The following PTCH1 variants were observed in gnomAD, a reference collection of about 807,000 sequenced individuals.
PTCH1 encodes the protein protein patched homolog 1.
Under a neutral mutation model 144.6 loss-of-function variants are expected in PTCH1, and 14 were observed. The observed-to-expected ratio is 0.10, with a 90% CI of 0.06 to 0.15. The LOEUF (loss-of-function observed/expected upper bound fraction) is 0.15, where lower values mean the gene tolerates loss of function less well. PTCH1 is among the 10% of genes least tolerant of loss of function. The pLI is 1.00. For synonymous variants in PTCH1, 833 were observed against 793.6 expected, an observed-to-expected ratio of 1.05 and a Z score of -0.83; for missense variants, 1,623 against 1,948.3, an observed-to-expected ratio of 0.83 and a Z score of 3.14.
chr9:95,512,123 C>T (rs180920407), upstream of PTCH1, among the ~76,000 whole-genome samples: 22 of 152,354 alleles, frequency 1.4e-4, 1 homozygote, highest in East Asian at 2.1e-3. Flanking sequence ...CCTCTGGTTC[C>T]GGCGGCTGCC....
chr9:95,481,742 A>G, intron 5 of PTCH1: 1 of 594,730 alleles, frequency 1.7e-6, no homozygotes, highest in Non-Finnish European at 3.0e-6. Context: ...AAATTTAATG[A>G]CGCCTACAGA....
rs1308504024 is a variant in PTCH1, at chr9:95,445,049, G to A, written c.*1344C>T. The stretch of plus-strand genomic sequence containing the variant: ...GGAAGCACGTACCCTAAACACTGGT[G>A]CATGAAGAATCCCCCCGGAGCTCTT... On this transcript the variant is annotated 3_prime_UTR_variant, in exon 24 of 24. Transcript: ENST00000331920. 4 of 152,186 alleles carry A rather than the reference G, an allele frequency of 2.6e-5. No homozygotes were observed. Among genetic ancestry groups the A allele is most frequent in the African/African-American group, 9.7e-5 (4 of 41,434 alleles). The allele number at this position is 152,186 out of a possible 1,614,324, so 9.4% of individuals were successfully genotyped here. A position where few individuals can be genotyped will look rare whatever the true frequency, so the allele number is the denominator to read the frequency against.
intron 23 of PTCH1, chr9:95,446,602 G>C: frequency 2.0e-6 from 1 of 498,296 alleles, no homozygotes; most frequent in Non-Finnish European, 3.7e-6. Flanking sequence ...AATTCGCTGT[G>C]GCATGCACCT....
At chr9:95,453,673 T>G in intron 19 of PTCH1, 53 bp from the exon 20 acceptor site, 1 of 1,606,752 alleles carries the variant, frequency 6.2e-7, no homozygotes, top group Non-Finnish European at 8.5e-7. Context: ...ACCTGGTAAA[T>G]GCTCAGCTCT....
intron 20 of PTCH1, chr9:95,451,214 A>G (rs1838432579): frequency 6.6e-6 from 1 of 152,268 alleles, no homozygotes; most frequent in Non-Finnish European, 1.5e-5. Context: ...GGTCTAATGT[A>G]AACTGCTGGA....
intron 3 of PTCH1, chr9:95,484,287 G>A (rs1371723977): frequency 6.6e-6 from 1 of 152,206 alleles, no homozygotes; most frequent in Non-Finnish European, 1.5e-5. Flanking sequence ...AACAGGGCAA[G>A]TTTGCCTGGC....
At chr9:95,495,518 C>T (rs1057337048) in intron 2 of PTCH1, 1 of 151,704 alleles carries the variant, frequency 6.6e-6, no homozygotes, top group African/African-American at 2.4e-5. Context: ...GTATAGCTAC[C>T]CAGAGGAAGA....
chr9:95,510,158 C>T (rs1005909771), upstream of PTCH1, among the ~76,000 whole-genome samples: 2 of 150,902 alleles, frequency 1.3e-5, no homozygotes, highest in Admixed American at 6.6e-5. Context: ...TTTTTTACAA[C>T]TTAGAGAAAC....
chr9:95,453,073 G>A (rs1295742311), intron 20 of PTCH1: 3 of 320,318 alleles, frequency 9.4e-6, no homozygotes, highest in Non-Finnish European at 1.2e-5. Context: ...TCACGATGAC[G>A]AGGTGCTGCA....
intron 16 of PTCH1, 82 bp from the exon 17 acceptor site, chr9:95,459,865 G>A: frequency 7.0e-7 from 1 of 1,423,630 alleles, no homozygotes; most frequent in Non-Finnish European, 9.8e-7. Context: ...CAGAAGCTGA[G>A]CTTCGCACAG....
intron 12 of PTCH1, among the ~76,000 whole-genome samples, chr9:95,475,413 G>A (rs377074668): frequency 5.9e-5 from 9 of 152,082 alleles, no homozygotes; most frequent in South Asian, 2.1e-4. Flanking sequence ...GGGACCAAAA[G>A]GAAAGAGAAG....
At position 95,446,117 on chromosome 9, in the gene PTCH1, C is replaced by T; in HGVS notation, c.*276G>A. 3.9e-6 allele frequency: 1 copy of T among 254,162 alleles called. No homozygotes were observed. Among genetic ancestry groups the T allele is most frequent in the Admixed American group, 4.3e-5 (1 of 23,188 alleles). The allele number at this position is 254,162 out of a possible 1,614,324, so 15.7% of individuals were successfully genotyped here. On this transcript the variant is annotated 3_prime_UTR_variant, in exon 24 of 24. Coordinates refer to ENST00000331920, the MANE Select transcript of PTCH1 (RefSeq NM_000264.5). The stretch of plus-strand genomic sequence containing the variant: ...CCCAATGCACAAATACGGAGAGGCC[C>T]CACTGTGGCCTCCACACTCTGGGGC...
chr9:95,493,339 A>T (rs1842560516), intron 2 of PTCH1, among the ~76,000 whole-genome samples: 1 of 152,228 alleles, frequency 6.6e-6, no homozygotes, highest in Non-Finnish European at 1.5e-5. Flanking sequence ...GGACCAACCG[A>T]AGTTATTTTC....
intron 2 of PTCH1, among the ~76,000 whole-genome samples, chr9:95,502,013 A>C (rs1225388257): frequency 6.6e-6 from 1 of 152,156 alleles, no homozygotes; most frequent in Non-Finnish European, 1.5e-5. Context: ...CCCCCAGCCA[A>C]GCAGGGAGAC....
rs528547908 is a variant in PTCH1 at position 95,465,451 on chromosome 9, G to A, written c.2560+1665C>T. 1.8e-3 allele frequency among the ~76,000 whole-genome samples: 267 copies of A among 152,304 alleles called. 1 individual carries two copies. The highest frequency in any genetic ancestry group is 6.1e-3 in the African/African-American group (252 of 41,564). ...AAAACCATTGCTTTCTAAACTAAAT[G>A]TGAAAAATAAAACTTGGAACAAATT... On this transcript the variant is annotated intron_variant, in intron 15 of 23. Coordinates refer to ENST00000331920, the MANE Select transcript of PTCH1 (RefSeq NM_000264.5).
rs778138969 is a variant in PTCH1, at chr9:95,459,667, G to A, written c.2820C>T (p.Asn940=). 4 of 1,614,066 alleles carry A rather than the reference G, an allele frequency of 2.5e-6. No homozygotes were observed. The African/African-American group carries it at 4.0e-5, about 16-fold the overall frequency. Residue 940 remains asparagine (N), a synonymous_variant, in exon 17 of 24, where the codon AAC becomes AAT. Transcript: ENST00000331920. The part of the protein sequence containing the change: ...DPVAYAASQA[N]IRPHRPEWVH... ...CCCATTCTGGTCGGTGTGGCCGGAT[G>A]TTGGCCTGGGAGGCAGCATACGCGA...
rs768183391 is a variant in PTCH1, at chr9:95,477,577, G to A, written c.1473C>T (p.Ile491=). 5.6e-5 allele frequency: 91 copies of A among 1,614,038 alleles called. No individual in the cohort carries two copies. Among genetic ancestry groups the A allele is most frequent in the East Asian group, 1.1e-4 (5 of 44,892 alleles). The change falls in exon 10 of 24, where the codon ATC becomes ATT. Residue 491 remains isoleucine, a synonymous_variant. Transcript: ENST00000331920. ...VAAGLGLCSL[I]GISFNAATTQ... is the part of the protein sequence containing the mutation. ...TTGTTGCAGCGTTAAAGGAAATTCC[G>A]ATCAATGAGCACAGGCCCAGTCCTG... is the stretch of plus-strand genomic sequence containing the variant.
chr9:95,513,122 G>A (rs1396075214), upstream of PTCH1, among the ~76,000 whole-genome samples: 1 of 152,142 alleles, frequency 6.6e-6, no homozygotes, highest in Non-Finnish European at 1.5e-5. Context: ...TCCAAATGAT[G>A]ACAATGAAAT....
At chr9:95,486,432 T>A (rs543726625) in intron 2 of PTCH1, among the ~76,000 whole-genome samples, 2 of 152,238 alleles carry the variant, frequency 1.3e-5, no homozygotes, top group Non-Finnish European at 2.9e-5. Context: ...GAAATCCCAA[T>A]TGAGAGGAAC....
Sources: allele counts gnomAD v4.1 joint callset (sites outside exome capture counted in the v4.1 genomes callset), GRCh38; gene constraint gnomAD v4.1.1; transcripts MANE v1.5; gene names NCBI Gene and HGNC (gene_info 2026-07-23, HGNC 2026-07-21).